Variants in BOLL observed in about 807,000 individuals in gnomAD.
BOLL encodes boule RNA binding protein.
In BOLL, 23 loss-of-function variants were observed where a neutral mutation model predicts 44.4. The ratio of observed to expected loss-of-function variants is 0.52; its 90% CI spans 0.37 to 0.73. The LOEUF is 0.73. Among genes scored for constraint, BOLL ranks in the 30% least tolerant of loss-of-function variants. The pLI, the probability that BOLL is intolerant of heterozygous loss-of-function variation, is 0.00. For missense variants in BOLL, 287 were observed against 338.3 expected, an observed-to-expected ratio of 0.85 and a Z score of 1.19; for synonymous variants, 97 against 110.8, an observed-to-expected ratio of 0.88 and a Z score of 0.78.
At chr2:197,736,103 T>C (rs948705957) in intron 10 of BOLL, among the ~76,000 whole-genome samples, 5 of 152,254 alleles carry the variant, frequency 3.3e-5, no homozygotes, top group African/African-American at 1.2e-4. Flanking sequence ...CTTTTTAAGC[T>C]TAAAGTGATC....
intron 9 of BOLL, among the ~76,000 whole-genome samples, chr2:197,752,510 A>G (rs1483745209): frequency 6.6e-6 from 1 of 152,128 alleles, no homozygotes; most frequent in African/African-American, 2.4e-5. Context: ...CTATACTCCA[A>G]TAATAGACAG....
At chr2:197,781,434 A>G (rs1689775000) in intron 2 of BOLL, among the ~76,000 whole-genome samples, 1 of 152,178 alleles carries the variant, frequency 6.6e-6, no homozygotes, top group Admixed American at 6.5e-5. Flanking sequence ...ATGGAAGAGT[A>G]TGGAGCTATG....
chr2:197,780,127 T>C (rs1244159874), intron 2 of BOLL, among the ~76,000 whole-genome samples: 1 of 152,072 alleles, frequency 6.6e-6, no homozygotes, highest in Admixed American at 6.6e-5. Flanking sequence ...ACAAATTAAT[T>C]CCAACTATTC....
chr2:197,781,697 C>A lies in BOLL; in HGVS notation c.129+25G>T, dbSNP rs762038057. ...TAAAGACTTCTAATGAAAAAATACA[C>A]TTTACTGCATGCATAAATAGGTACC... On this transcript the variant is annotated intron_variant, in intron 2 of 10. Transcript: ENST00000392296. 4 of 1,469,596 alleles carry A rather than the reference C, an allele frequency of 2.7e-6. No homozygotes were observed. The East Asian group carries it at 7.0e-5, about 26-fold the overall frequency. The allele number at this position is 1,469,596 out of a possible 1,614,324, so 91.0% of individuals were successfully genotyped here.
At chr2:197,773,522 T>G (rs1689363879) in intron 5 of BOLL, among the ~76,000 whole-genome samples, 2 of 151,956 alleles carry the variant, frequency 1.3e-5, no homozygotes, top group African/African-American at 4.8e-5. Context: ...ACTGAACATT[T>G]CAATTATTAT....
chr2:197,736,303 T>G (rs1259602875), intron 10 of BOLL, among the ~76,000 whole-genome samples: 1 of 151,990 alleles, frequency 6.6e-6, no homozygotes, highest in Admixed American at 6.6e-5. Context: ...TAAAAAAGAA[T>G]CAAGGTCATG....
At chr2:197,757,292 G>T in intron 8 of BOLL, 61 bp downstream of exon 8, 1 of 1,410,382 alleles carries the variant, frequency 7.1e-7, no homozygotes, top group South Asian at 1.3e-5. Flanking sequence ...TATTCATGCA[G>T]TCATCACAAG....
rs1441018135 is a variant in BOLL at position 197,743,098 on chromosome 2, G to C, written c.791C>G (p.Thr264Ser). The change falls in exon 10 of 11, where the codon ACT becomes AGT. Residue 264 changes from threonine (T) to serine (S), a missense_variant. Thr to Ser is a moderately conservative substitution (Grantham distance 58). Coordinates refer to ENST00000392296, the MANE Select transcript of BOLL (RefSeq NM_033030.6). ...AGGCTGCATCACAGGCGCAGGCATA[G>C]TGATGGCACTTGGAGCATAAACCTG... ...YHQVYAPSAI[T>S]MPAPVMQPEP... is the part of the protein sequence containing the mutation. The C allele has an allele frequency of 6.2e-7, 1 of 1,606,234 alleles. No individual in the cohort carries two copies. The highest frequency in any genetic ancestry group is 1.7e-5 in the Admixed American group (1 of 58,380).
At chr2:197,756,619 CTT>C in intron 8 of BOLL, 63 bp from the exon 9 acceptor site, 2 of 1,443,746 alleles carry the variant, frequency 1.4e-6, no homozygotes, top group South Asian at 2.8e-5. Context: ...AACCAAATGA[CTT>C]AGCCAACAGA....
chr2:197,744,171 C>T (rs1342659063), intron 9 of BOLL, among the ~76,000 whole-genome samples: 1 of 152,178 alleles, frequency 6.6e-6, no homozygotes, highest in Non-Finnish European at 1.5e-5. Context: ...GGGGACATCT[C>T]AATTCGGTCT....
At position 197,771,002 on chromosome 2, in the gene BOLL, A is replaced by G. The variant is rs537806310; in HGVS notation, c.480+853T>C. ...ACCCAGCCATCCCATTACTGGGTATATACCCATAGGATTATAAATCATGCT... is the reference window on the plus strand; with the variant it reads ...ACCCAGCCATCCCATTACTGGGTATGTACCCATAGGATTATAAATCATGCT... On this transcript the variant is annotated intron_variant, in intron 6 of 10. Transcript: ENST00000392296. Among the ~76,000 whole-genome samples the G allele has an allele frequency of 2.6e-5, 4 of 152,308 alleles. No homozygotes were observed. In the South Asian group the frequency reaches 8.3e-4, roughly 32 times the overall value.
At chr2:197,735,421 TTTCTC>T (rs1219894885) in intron 10 of BOLL, among the ~76,000 whole-genome samples, 3 of 152,156 alleles carry the variant, frequency 2.0e-5, no homozygotes, top group African/African-American at 4.8e-5. Context: ...AATTTTATCT[TTTCTC>T]TATTATTATT....
At chr2:197,757,917 C>G (rs1464496745) in intron 7 of BOLL, among the ~76,000 whole-genome samples, 1 of 152,110 alleles carries the variant, frequency 6.6e-6, no homozygotes, top group Non-Finnish European at 1.5e-5. Context: ...ATGCTCGACA[C>G]CACTAGCCTT....
intron 7 of BOLL, among the ~76,000 whole-genome samples, chr2:197,765,883 C>T (rs995358572): frequency 6.6e-6 from 1 of 151,586 alleles, no homozygotes; most frequent in Admixed American, 6.6e-5. Flanking sequence ...GTCTACTGTT[C>T]CCTTCTTTAC....
chr2:197,784,952 C>G, intron 1 of BOLL, 104 bp downstream of exon 1: 1 of 986,024 alleles, frequency 1.0e-6, no homozygotes, highest in Non-Finnish European at 1.2e-6. Flanking sequence ...TATTAAACTA[C>G]TCCTCCAAAG....
rs149890055 is a variant in BOLL at position 197,736,008 on chromosome 2, G to A, written c.828+7053C>T. Among the ~76,000 whole-genome samples the A allele has an allele frequency of 6.6e-5, 10 of 152,126 alleles. No homozygotes were observed. The East Asian group carries it at 1.5e-3, about 23-fold the overall frequency. On this transcript the variant is annotated intron_variant, in intron 10 of 10. Transcript: ENST00000392296. ...CACTTCAAGGATTTAAGAGACCATCGAACTTTTTCTCTGTGGTAGAAAGCA... is the reference window on the plus strand; with the variant it reads ...CACTTCAAGGATTTAAGAGACCATCAAACTTTTTCTCTGTGGTAGAAAGCA...
chr2:197,762,367 A>C (rs1688800387), intron 7 of BOLL, among the ~76,000 whole-genome samples: 1 of 152,108 alleles, frequency 6.6e-6, no homozygotes, highest in African/African-American at 2.4e-5. Flanking sequence ...GAAAAGAAAC[A>C]AAGAAACATG....
At chr2:197,742,892 A>C (rs1041746892) in intron 10 of BOLL, among the ~76,000 whole-genome samples, 169 bp downstream of exon 10, 2 of 152,178 alleles carry the variant, frequency 1.3e-5, no homozygotes, top group Non-Finnish European at 2.9e-5. Flanking sequence ...TAAAAAAGTT[A>C]ATAGTTAATT....
At chr2:197,749,354 G>A (rs569513227) in intron 9 of BOLL, among the ~76,000 whole-genome samples, 4 of 152,010 alleles carry the variant, frequency 2.6e-5, no homozygotes, top group Admixed American at 2.0e-4. Context: ...ACAACTCCTC[G>A]CCAGCAAGGG....
Sources: allele counts gnomAD v4.1 joint callset (sites outside exome capture counted in the v4.1 genomes callset), GRCh38; gene constraint gnomAD v4.1.1; transcripts MANE v1.5; gene names NCBI Gene and HGNC (gene_info 2026-07-23, HGNC 2026-07-21).